KRABD3: variants seen among roughly 807,000 people sequenced by gnomAD.
The protein encoded by KRABD3 is KRAB domain-containing protein 3.
At chr7:149,720,044 C>A in the KRABD3 span, 16 of 1,551,730 alleles carry the variant, frequency 1.0e-5, no homozygotes, top group African/African-American at 1.2e-4. Flanking sequence ...GCTTTCCTGT[C>A]ACCCTCAGAG....
At chr7:149,715,361 T>C in the KRABD3 span, 1 of 1,181,276 alleles carries the variant, frequency 8.5e-7, no homozygotes, top group Non-Finnish European at 1.0e-6. Context: ...TGAGTAAATC[T>C]CATACTTCTG....
At chr7:149,727,321 A>C in the KRABD3 span, among the ~76,000 whole-genome samples, 1 of 152,242 alleles carries the variant, frequency 6.6e-6, no homozygotes, top group African/African-American at 2.4e-5. Flanking sequence ...GCCAGTGTCC[A>C]CAGCAGCCTG....
chr7:149,721,376 A>G, the KRABD3 span: 12 of 1,582,524 alleles, frequency 7.6e-6, no homozygotes, highest in African/African-American at 1.4e-5. Context: ...CTCTTTCCCG[A>G]CAGCAGCTGC....
At chr7:149,728,848 A>G in the KRABD3 span, among the ~76,000 whole-genome samples, 6 of 152,356 alleles carry the variant, frequency 3.9e-5, no homozygotes, top group African/African-American at 1.4e-4. Context: ...ACACACGTGT[A>G]GACCTGCTGG....
chr7:149,719,170 A>G, the KRABD3 span, among the ~76,000 whole-genome samples: 1 of 152,168 alleles, frequency 6.6e-6, no homozygotes, highest in South Asian at 2.1e-4. The surrounding 1 kb of genome is among the most constrained non-coding windows in gnomAD (Gnocchi z 5.6). Context: ...GCATGACTGT[A>G]GTCTCTGCCT....
chr7:149,728,129 A>G, the KRABD3 span, among the ~76,000 whole-genome samples: 2 of 152,266 alleles, frequency 1.3e-5, no homozygotes, highest in Non-Finnish European at 2.9e-5. Flanking sequence ...CCCAGAGGCC[A>G]GGGGGCCTGT....
At chr7:149,722,387 G>A in the KRABD3 span, 4 of 1,580,132 alleles carry the variant, frequency 2.5e-6, no homozygotes, top group Non-Finnish European at 3.4e-6. Flanking sequence ...CTGGAGCTGG[G>A]GCTAGAAAGG....
At chr7:149,715,788 G>A in the KRABD3 span, among the ~76,000 whole-genome samples, 2 of 152,176 alleles carry the variant, frequency 1.3e-5, no homozygotes, top group Non-Finnish European at 2.9e-5. Flanking sequence ...AAGCATTTGG[G>A]GAGAAGGGAG....
chr7:149,724,144 G>A, the KRABD3 span, among the ~76,000 whole-genome samples: 1 of 152,192 alleles, frequency 6.6e-6, no homozygotes, highest in Non-Finnish European at 1.5e-5. Context: ...TGGGGAGGGA[G>A]CGAGATCAAG....
the KRABD3 span, among the ~76,000 whole-genome samples, chr7:149,731,157 G>A: frequency 0.12 from 18,558 of 152,210 alleles, 1,192 homozygotes; most frequent in Middle Eastern, 0.22. Flanking sequence ...CGAGGAGGGA[G>A]AAGCAGTGGT....
At chr7:149,720,392 C>T in the KRABD3 span, among the ~76,000 whole-genome samples, 4 of 152,226 alleles carry the variant, frequency 2.6e-5, no homozygotes, top group Admixed American at 6.5e-5. Flanking sequence ...CACAGCCACC[C>T]CTGCAGAACC....
the KRABD3 span, chr7:149,720,259 C>T: frequency 6.4e-4 from 646 of 1,014,872 alleles, 9 homozygotes; most frequent in South Asian, 8.9e-3. Context: ...CCCAAGCTTT[C>T]ACCCCTCATC....
chr7:149,719,548 G>A, the KRABD3 span: 1 of 1,579,446 alleles, frequency 6.3e-7, no homozygotes, highest in Non-Finnish European at 8.6e-7. The surrounding 1 kb of genome is among the most constrained non-coding windows in gnomAD (Gnocchi z 5.6). Context: ...GCCTGCAGGT[G>A]TCCATCACCT....
At chr7:149,726,045 C>A in the KRABD3 span, 2 of 1,611,870 alleles carry the variant, frequency 1.2e-6, no homozygotes, top group Non-Finnish European at 1.7e-6. Context: ...GAACCAGGGG[C>A]AGCATCCTGG....
At chr7:149,727,081 G>A in the KRABD3 span, among the ~76,000 whole-genome samples, 1 of 152,280 alleles carries the variant, frequency 6.6e-6, no homozygotes, top group South Asian at 2.1e-4. Context: ...CACTCCAGTC[G>A]AGTTGCTCCT....
chr7:149,725,194 A>G, the KRABD3 span: 2 of 1,007,004 alleles, frequency 2.0e-6, no homozygotes, highest in Non-Finnish European at 2.8e-6. Context: ...GGCAGGTGCC[A>G]GAGCCTGGTA....
At chr7:149,721,323 A>G in the KRABD3 span, 257 of 1,527,048 alleles carry the variant, frequency 1.7e-4, no homozygotes, top group Non-Finnish European at 2.1e-4. Context: ...AGAATGTGAC[A>G]GTGTGACAAT....
chr7:149,728,627 A>G, the KRABD3 span: 6 of 1,613,644 alleles, frequency 3.7e-6, no homozygotes, highest in Admixed American at 3.3e-5. Context: ...AGCAGCAGAC[A>G]GGGGACCGAG....
the KRABD3 span, among the ~76,000 whole-genome samples, chr7:149,726,658 G>A: frequency 2.6e-4 from 39 of 151,918 alleles, no homozygotes; most frequent in Middle Eastern, 3.4e-3. Context: ...GGCTGGTCTC[G>A]AACTCCTGAC....
Sources: allele counts gnomAD v4.1 joint callset (sites outside exome capture counted in the v4.1 genomes callset), GRCh38; gene constraint gnomAD v4.1.1; non-coding constraint Gnocchi (gnomAD v3.1); transcripts MANE v1.5; gene names NCBI Gene and HGNC (gene_info 2026-07-23, HGNC 2026-07-21).